The following AKAP17A variants were observed in gnomAD, a reference collection of about 807,000 sequenced individuals.
The protein encoded by AKAP17A is A-kinase anchor protein 17A.
A neutral mutation model predicts 52.2 loss-of-function variants in AKAP17A; 15 were observed. That is an observed-to-expected ratio of 0.29 (90% CI 0.19 to 0.44). The LOEUF (loss-of-function observed/expected upper bound fraction) is 0.44, where lower values mean the gene tolerates loss of function less well. AKAP17A is among the 20% of genes least tolerant of loss of function. The pLI, the probability that AKAP17A is intolerant of heterozygous loss-of-function variation, is 1.00. For missense variants in AKAP17A, 1,060 were observed against 1,007.0 expected (o/e 1.05, Z -0.71); for synonymous variants, 514 against 424.7 (o/e 1.21, Z -2.58).
Position 1,601,263 on chromosome X carries a change from G to A in AKAP17A, c.1757G>A (p.Gly586Asp), listed in dbSNP as rs1189285098. The change falls in exon 5 of 5, where the codon GGC becomes GAC. Residue 586 changes from glycine (G) to aspartate (D), a missense_variant. Around this residue, in one of 2 missense-constraint regions of AKAP17A, gnomAD observed 793 missense variants for 629.9 expected, o/e 1.26. Transcript: ENST00000313871. ...AAGTGCAACCGGGAGCCCAGCAAGG[G>A]CCGGGGCCGGGCCACCGGAGACGGG... ...QDKCNREPSKGRGRATGDGLA... is the reference protein window; with the variant it reads ...QDKCNREPSKDRGRATGDGLA... The A allele has an allele frequency of 3.1e-6, 5 of 1,613,152 alleles. No homozygotes were observed. The highest frequency in any genetic ancestry group is 4.2e-6 in the Non-Finnish European group (5 of 1,179,570).
Position 1,601,634 on chromosome X carries a change from C to G in AKAP17A, c.*40C>G, listed in dbSNP as rs1353456897. ...TCCCCACGGCCTGTCCGGGAAAGACCAGGACCTGCTCGAGCCTCCTGGCCG... is the reference window on the plus strand; with the variant it reads ...TCCCCACGGCCTGTCCGGGAAAGACGAGGACCTGCTCGAGCCTCCTGGCCG... On this transcript the variant is annotated 3_prime_UTR_variant, in exon 5 of 5. Coordinates refer to ENST00000313871, the MANE Select transcript of AKAP17A (RefSeq NM_005088.3). 1.7e-5 allele frequency: 23 copies of G among 1,383,852 alleles called. No individual in the cohort carries two copies. Among genetic ancestry groups the G allele is most frequent in the East Asian group, 5.6e-5 (2 of 35,734 alleles). 85.7% of individuals were successfully genotyped at this position (1,383,852 alleles called of 1,614,324 possible). A position where few individuals can be genotyped will look rare whatever the true frequency, so the allele number is the denominator to read the frequency against.
At position 1,593,808 on chromosome X, in the gene AKAP17A, G is replaced by A; in HGVS notation, c.346G>A (p.Glu116Lys). 6 of 1,612,720 alleles carry A rather than the reference G, an allele frequency of 3.7e-6. No individual in the cohort carries two copies. Among genetic ancestry groups the A allele is most frequent in the Non-Finnish European group, 5.1e-6 (6 of 1,179,366 alleles). ...CGACATCCTGAAGGTGCGCGCGGCC[G>A]AGTTCAAGATCGACTTCCCCACCCG... ...FSDILKVRAA[E>K]FKIDFPTRHD... The change falls in exon 2 of 5, where the codon GAG becomes AAG. Residue 116 changes from glutamate (E) to lysine (K), a missense_variant. By Grantham distance (56) the Glu-to-Lys change is moderately conservative. This residue lies in a region of AKAP17A where 267 missense variants were observed against 377.1 expected (regional missense o/e 0.71). Transcript: ENST00000313871.
chrX:1,599,158 C>T (rs372188689), intron 3 of AKAP17A, 34 bp from the exon 4 acceptor site: 6 of 1,603,670 alleles, frequency 3.7e-6, no homozygotes, highest in African/African-American at 1.3e-5. Context: ...GGCTGCGGCG[C>T]TCTCTGTGAC....
chrX:1,595,625 C>T (rs567396835), intron 3 of AKAP17A, 93 bp downstream of exon 3: 79 of 1,559,734 alleles, frequency 5.1e-5, no homozygotes, highest in Middle Eastern at 4.7e-4. Flanking sequence ...TATTCCTGTG[C>T]GTGTGTGTGT....
At chrX:1,600,141 T>C in intron 4 of AKAP17A, 3 of 1,301,990 alleles carry the variant, frequency 2.3e-6, no homozygotes, top group Non-Finnish European at 3.0e-6. Context: ...ATTACAGTTG[T>C]GATAAGTCCC....
Position 1,600,800 on chromosome X carries a change from C to G in AKAP17A, c.1294C>G (p.Arg432Gly). Reference protein sequence around the residue: ...ERALGLQRKERELRERLLSIL... With the variant: ...ERALGLQRKEGELRERLLSIL... ...CGCGCTGGGCCTGCAGCGGAAAGAG[C>G]GGGAGCTGCGCGAGCGGCTGCTGAG... The change falls in exon 5 of 5, where the codon CGG becomes GGG. Residue 432 changes from arginine (R) to glycine (G), a missense_variant. Physicochemically the swap from Arg to Gly is moderately radical, Grantham distance 125 (BLOSUM62 -2). Around this residue, in one of 2 missense-constraint regions of AKAP17A, gnomAD observed 793 missense variants for 629.9 expected, o/e 1.26. Transcript: ENST00000313871. The G allele has an allele frequency of 6.3e-7, 1 of 1,588,630 alleles. No individual in the cohort carries two copies.
chrX:1,598,356 CCTT>C (rs1458760568), intron 3 of AKAP17A, among the ~76,000 whole-genome samples: 3 of 152,158 alleles, frequency 2.0e-5, no homozygotes, highest in Non-Finnish European at 2.9e-5. Context: ...GCCTGCTCCT[CCTT>C]GTCCCCGTGT....
rs146065656 is a variant in AKAP17A at position 1,601,429 on chromosome X, G to T, written c.1923G>T (p.Pro641=). The change falls in exon 5 of 5, where the codon CCG becomes CCT. Residue 641 remains proline, a synonymous_variant. Transcript: ENST00000313871. ...DDSPRRRSTS[P]DHTRSRRSHS... ...GCCCCCGCCGGCGCAGCACGAGCCC[G>T]GACCACACCCGGTCCCGGAGGTCCC... The T allele has an allele frequency of 2.5e-6, 4 of 1,571,676 alleles. No individual in the cohort carries two copies. The highest frequency in any genetic ancestry group is 4.5e-5 in the East Asian group (2 of 44,346).
chrX:1,601,247 C>T lies in AKAP17A; in HGVS notation c.1741C>T (p.Arg581Trp), dbSNP rs201493804. 156 of 1,613,690 alleles carry T rather than the reference C, an allele frequency of 9.7e-5. No homozygotes were observed. The highest frequency in any genetic ancestry group is 1.1e-4 in the Non-Finnish European group (131 of 1,179,730). The change falls in exon 5 of 5, where the codon CGG becomes TGG. Residue 581 changes from arginine to tryptophan, a missense_variant. This residue lies in a region of AKAP17A where 793 missense variants were observed against 629.9 expected (regional missense o/e 1.26). Coordinates refer to ENST00000313871, the MANE Select transcript of AKAP17A (RefSeq NM_005088.3). ...DTRSEQDKCNREPSKGRGRAT... is the reference protein window; with the variant it reads ...DTRSEQDKCNWEPSKGRGRAT... ...CCGGTCAGAACAGGACAAGTGCAACCGGGAGCCCAGCAAGGGCCGGGGCCG... is the reference window on the plus strand; with the variant it reads ...CCGGTCAGAACAGGACAAGTGCAACTGGGAGCCCAGCAAGGGCCGGGGCCG...
chrX:1,599,685 C>A, intron 4 of AKAP17A: 1 of 658,836 alleles, frequency 1.5e-6, no homozygotes, highest in Non-Finnish European at 2.7e-6. Context: ...AGCAGGCTGG[C>A]AGCCTCCCGG....
At position 1,600,817 on chromosome X, in the gene AKAP17A, G is replaced by GCTGCTGAGCATC; in HGVS notation, c.1322_1333dup (p.Ile441_Ser444dup). 1 of 1,592,442 alleles carries GCTGCTGAGCATC rather than the reference G, an allele frequency of 6.3e-7. No individual in the cohort carries two copies. Among genetic ancestry groups the GCTGCTGAGCATC allele is most frequent in the African/African-American group, 1.3e-5 (1 of 74,886 alleles). On this transcript the variant is annotated inframe_insertion, in exon 5 of 5. Coordinates refer to ENST00000313871, the MANE Select transcript of AKAP17A (RefSeq NM_005088.3). ...GGAAAGAGCGGGAGCTGCGCGAGCG[G>GCTGCTGAGCATC]CTGCTGAGCATCCTGCTGAGCAAGA...
At position 1,601,571 on chromosome X, in the gene AKAP17A, C is replaced by G; in HGVS notation, c.2065C>G (p.His689Asp). 6.9e-7 allele frequency: 1 copy of G among 1,454,810 alleles called. No homozygotes were observed. Among genetic ancestry groups the G allele is most frequent in the Non-Finnish European group, 9.0e-7 (1 of 1,111,954 alleles). 90.1% of individuals were successfully genotyped at this position (1,454,810 alleles called of 1,614,324 possible). A position where few individuals can be genotyped will look rare whatever the true frequency, so the allele number is the denominator to read the frequency against. The change falls in exon 5 of 5, where the codon CAC becomes GAC. Residue 689 changes from histidine to aspartate, a missense_variant. Around this residue, in one of 2 missense-constraint regions of AKAP17A, gnomAD observed 793 missense variants for 629.9 expected, o/e 1.26. Transcript: ENST00000313871. Reference protein sequence around the residue: ...ERSRSRSPSRHRSTWNR With the variant: ...ERSRSRSPSRDRSTWNR The stretch of plus-strand genomic sequence containing the variant: ...GTCGCGCTCCCGGTCCCCGAGCAGG[C>G]ACCGCAGTACCTGGAACAGGTAATG...
rs775433912 is a variant in AKAP17A at position 1,601,599 on chromosome X, G to A, written c.*5G>A. 12 of 1,420,074 alleles carry A rather than the reference G, an allele frequency of 8.5e-6. No homozygotes were observed. The Admixed American group carries it at 1.2e-4, about 14-fold the overall frequency. The allele number at this position is 1,420,074 out of a possible 1,614,324, so 88.0% of individuals were successfully genotyped here. The stretch of plus-strand genomic sequence containing the variant: ...CGCAGTACCTGGAACAGGTAATGAC[G>A]GGCACGGCCTCCCCACGGCCTGTCC... On this transcript the variant is annotated 3_prime_UTR_variant, in exon 5 of 5. Transcript: ENST00000313871.
chrX:1,595,683 C>A, intron 3 of AKAP17A, 151 bp downstream of exon 3: 1 of 1,262,842 alleles, frequency 7.9e-7, no homozygotes, highest in Non-Finnish European at 1.1e-6. Context: ...CATGGACGCA[C>A]GTGTGCCTGT....
chrX:1,599,558 T>C, intron 4 of AKAP17A, 126 bp downstream of exon 4: 1 of 1,333,584 alleles, frequency 7.5e-7, no homozygotes, highest in Non-Finnish European at 1.1e-6. Flanking sequence ...CGAAACCAGC[T>C]TTAATGCCGA....
intron 1 of AKAP17A, among the ~76,000 whole-genome samples, 175 bp from the exon 2 acceptor site, chrX:1,593,269 G>A (rs1284974525): frequency 1.3e-5 from 2 of 152,170 alleles, no homozygotes; most frequent in African/African-American, 4.8e-5. Flanking sequence ...ATTTCAAAAA[G>A]TAAAGAACTC....
At chrX:1,592,840 G>A (rs1341316560) in intron 1 of AKAP17A, among the ~76,000 whole-genome samples, 1 of 152,192 alleles carries the variant, frequency 6.6e-6, no homozygotes, top group Non-Finnish European at 1.5e-5. Context: ...CTTGTGGAAA[G>A]TTCGTTGTAC....
chrX:1,593,435 A>T lies in AKAP17A; in HGVS notation c.-19-9A>T. On this transcript the variant is annotated splice_polypyrimidine_tract_variant and intron_variant, in intron 1 of 4. Coordinates refer to ENST00000313871, the MANE Select transcript of AKAP17A (RefSeq NM_005088.3). ...TGCTGGTGCTGACTGTCTGCGTCTT[A>T]TGTTTCAGGCCCAAGGTCCCGGAGG... is the stretch of plus-strand genomic sequence containing the variant. 6.3e-7 allele frequency: 1 copy of T among 1,596,992 alleles called. No individual in the cohort carries two copies. The highest frequency in any genetic ancestry group is 1.1e-5 in the South Asian group (1 of 89,398).
chrX:1,599,549 G>C, intron 4 of AKAP17A, 117 bp downstream of exon 4: 1 of 1,411,636 alleles, frequency 7.1e-7, no homozygotes, highest in Non-Finnish European at 9.8e-7. Flanking sequence ...CTGTAGCTAC[G>C]AAACCAGCTT....
Sources: gnomAD v4.1 joint callset for allele counts (sites outside exome capture counted in the v4.1 genomes callset) on GRCh38, gnomAD v4.1.1 for gene constraint, gnomAD v4.1.1 regional missense constraint, MANE v1.5 for transcripts, NCBI Gene and HGNC (gene_info 2026-07-23, HGNC 2026-07-21) for gene names.